GABRB3: variants seen among roughly 807,000 people sequenced by gnomAD.
GABRB3 encodes gamma-aminobutyric acid receptor subunit beta-3.
A neutral mutation model predicts 52.1 loss-of-function variants in GABRB3; 14 were observed. The ratio of observed to expected loss-of-function variants is 0.27; its 90% CI spans 0.18 to 0.42. The LOEUF (loss-of-function observed/expected upper bound fraction) is 0.42, where lower values mean the gene tolerates loss of function less well. Among genes scored for constraint, GABRB3 ranks in the 10% least tolerant of loss-of-function variants. The pLI is 1.00. For synonymous variants in GABRB3, 260 were observed against 232.3 expected (o/e 1.12, Z -1.08); for missense variants, 307 against 609.1 (o/e 0.50, Z 5.22).
intron 3 of GABRB3, among the ~76,000 whole-genome samples, chr15:26,654,059 T>G (rs1887285400): frequency 6.6e-6 from 1 of 152,220 alleles, no homozygotes; most frequent in Admixed American, 6.5e-5. Flanking sequence ...GCAATAGCTA[T>G]TTCTTGCAAT....
At chr15:26,741,100 C>G (rs1228733665) in intron 3 of GABRB3, among the ~76,000 whole-genome samples, 2 of 150,262 alleles carry the variant, frequency 1.3e-5, no homozygotes, top group Non-Finnish European at 3.0e-5. Flanking sequence ...GTACTTTATA[C>G]AAGCACATAG....
intron 3 of GABRB3, among the ~76,000 whole-genome samples, chr15:26,650,515 G>T (rs1887162454): frequency 6.6e-6 from 1 of 152,056 alleles, no homozygotes. Context: ...AGCAACAGGA[G>T]GCAGCCAAAT....
chr15:26,572,024 G>A (rs1410244938), intron 6 of GABRB3, among the ~76,000 whole-genome samples: 4 of 137,582 alleles, frequency 2.9e-5, no homozygotes, highest in African/African-American at 8.1e-5. Flanking sequence ...CCAGCCTGGC[G>A]ACAGAGCGAG....
intron 6 of GABRB3, among the ~76,000 whole-genome samples, chr15:26,568,646 T>A (rs1363821548): frequency 2.0e-5 from 3 of 148,530 alleles, no homozygotes; most frequent in African/African-American, 7.4e-5. Context: ...TACAGGTGCC[T>A]GCCACCATGC....
At chr15:26,605,839 T>C (rs1008483159) in intron 4 of GABRB3, among the ~76,000 whole-genome samples, 1 of 152,146 alleles carries the variant, frequency 6.6e-6, no homozygotes, top group Non-Finnish European at 1.5e-5. Flanking sequence ...AAGAACTACC[T>C]GAGACTGGGT....
At chr15:26,764,318 T>C (rs1016496972) in intron 3 of GABRB3, among the ~76,000 whole-genome samples, 9 of 149,914 alleles carry the variant, frequency 6.0e-5, no homozygotes, top group Non-Finnish European at 1.3e-4. Context: ...AACATGATGA[T>C]GATGTAATCA....
intron 3 of GABRB3, among the ~76,000 whole-genome samples, chr15:26,686,805 A>C (rs114752540): frequency 0.015 from 2,327 of 152,376 alleles, 66 homozygotes; most frequent in African/African-American, 0.053. Context: ...AGTCGCTGTG[A>C]ATGGCCAACT....
At chr15:26,548,868 A>C (rs939626232) in intron 8 of GABRB3, among the ~76,000 whole-genome samples, 1 of 152,192 alleles carries the variant, frequency 6.6e-6, no homozygotes, top group Non-Finnish European at 1.5e-5. Flanking sequence ...TGGAACTTTC[A>C]ACCTTTCACA....
chr15:26,672,219 T>A (rs1423638605), intron 3 of GABRB3, among the ~76,000 whole-genome samples: 3 of 152,170 alleles, frequency 2.0e-5, no homozygotes, highest in Non-Finnish European at 4.4e-5. Context: ...AGAAACTTTC[T>A]CTAAATTCTC....
intron 3 of GABRB3, among the ~76,000 whole-genome samples, chr15:26,749,636 A>T (rs989387341): frequency 6.6e-6 from 1 of 152,200 alleles, no homozygotes; most frequent in Non-Finnish European, 1.5e-5. Flanking sequence ...TGACTGCTGA[A>T]ACGAGGAGGA....
chr15:26,554,039 ATTTATT>A (rs1889601819), intron 8 of GABRB3, among the ~76,000 whole-genome samples: 2 of 40,920 alleles, frequency 4.9e-5, no homozygotes, highest in African/African-American at 1.9e-4. Flanking sequence ...ATATATATTT[ATTTATT>A]TATATTTATT....
At chr15:26,717,965 C>A (rs1889540705) in intron 3 of GABRB3, among the ~76,000 whole-genome samples, 1 of 152,174 alleles carries the variant, frequency 6.6e-6, no homozygotes, top group African/African-American at 2.4e-5. Flanking sequence ...CAAGTACTTC[C>A]ACAATCAGTT....
chr15:26,762,604 G>T (rs1890850405), intron 3 of GABRB3, among the ~76,000 whole-genome samples: 1 of 151,816 alleles, frequency 6.6e-6, no homozygotes, highest in Admixed American at 6.5e-5. Flanking sequence ...AATCATTAAT[G>T]TATTAAAGAA....
intron 3 of GABRB3, among the ~76,000 whole-genome samples, chr15:26,664,331 T>TA: frequency 6.6e-6 from 1 of 152,158 alleles, no homozygotes; most frequent in Non-Finnish European, 1.5e-5. Context: ...AACATACTTT[T>TA]AAAAAAACTC....
At chr15:26,655,034 T>C (rs1382648382) in intron 3 of GABRB3, among the ~76,000 whole-genome samples, 2 of 152,128 alleles carry the variant, frequency 1.3e-5, no homozygotes, top group African/African-American at 2.4e-5. Context: ...GATTATAAAA[T>C]AATTACTGTT....
At chr15:26,554,161 G>GTATATATATATATATAAAA (rs576382653) in intron 8 of GABRB3, among the ~76,000 whole-genome samples, 5 of 21,234 alleles carry the variant, frequency 2.4e-4, no homozygotes, top group Non-Finnish European at 6.4e-4. Flanking sequence ...TATATATAAA[G>GTATATATATATATATAAAA]TATATATATA....
At chr15:26,614,454 T>C (rs1478370909) in intron 4 of GABRB3, 1 of 152,144 alleles carries the variant, frequency 6.6e-6, no homozygotes, top group Admixed American at 6.6e-5. Flanking sequence ...TGATAATAAA[T>C]TCCAAAGCAG....
At chr15:26,726,526 T>G (rs1300248737) in intron 3 of GABRB3, among the ~76,000 whole-genome samples, 1 of 152,202 alleles carries the variant, frequency 6.6e-6, no homozygotes, top group Non-Finnish European at 1.5e-5. Flanking sequence ...TCAATCTGTC[T>G]TTGTCTTTCA....
intron 4 of GABRB3, among the ~76,000 whole-genome samples, chr15:26,585,226 G>T (rs1890937331): frequency 6.6e-6 from 1 of 152,184 alleles, no homozygotes. Context: ...GTGATGGGGA[G>T]TAAGAATGAA....
Sources: gnomAD v4.1 joint callset for allele counts (sites outside exome capture counted in the v4.1 genomes callset) on GRCh38, gnomAD v4.1.1 for gene constraint, MANE v1.5 for transcripts, NCBI Gene and HGNC (gene_info 2026-07-23, HGNC 2026-07-21) for gene names.